The following WBP2NL variants were observed in gnomAD, a reference collection of about 807,000 sequenced individuals.
The protein encoded by WBP2NL is postacrosomal sheath WW domain-binding protein.
WBP2NL carries 27 observed loss-of-function variants against 23.3 expected under a neutral mutation model. That is an observed-to-expected ratio of 1.16 (90% CI 0.85 to 1.60). The LOEUF is 1.60. WBP2NL is among the 40% of genes most tolerant of loss of function. The pLI, the probability that WBP2NL is intolerant of heterozygous loss-of-function variation, is 0.00. For synonymous variants in WBP2NL, 151 were observed against 145.9 expected, an observed-to-expected ratio of 1.03 and a Z score of -0.25; for missense variants, 370 against 389.5, an observed-to-expected ratio of 0.95 and a Z score of 0.42.
At chr22:42,002,033 G>T in intron 1 of WBP2NL, 1 of 532,880 alleles carries the variant, frequency 1.9e-6, no homozygotes, top group Non-Finnish European at 3.1e-6. Flanking sequence ...CTCCGGGGCT[G>T]ATTGTGAAGT....
At chr22:42,026,377 C>A (rs1253246209) in intron 5 of WBP2NL, among the ~76,000 whole-genome samples, 1 of 151,558 alleles carries the variant, frequency 6.6e-6, no homozygotes, top group Non-Finnish European at 1.5e-5. Context: ...CAAAGAAATA[C>A]ACCAAAATAG....
At chr22:42,013,007 C>T (rs1319213288) in intron 1 of WBP2NL, among the ~76,000 whole-genome samples, 2 of 150,448 alleles carry the variant, frequency 1.3e-5, no homozygotes, top group African/African-American at 4.9e-5. Context: ...AAAAAAACAA[C>T]GGAGTGTTTT....
chr22:42,050,610 T>C (rs1925803503), intron 8 of WBP2NL, among the ~76,000 whole-genome samples: 1 of 151,596 alleles, frequency 6.6e-6, no homozygotes, highest in South Asian at 2.1e-4. Context: ...ATCATGCCAC[T>C]GCACTCCAGT....
intron 8 of WBP2NL, among the ~76,000 whole-genome samples, chr22:42,038,992 A>G (rs976668945): frequency 2.4e-4 from 36 of 150,470 alleles, no homozygotes; most frequent in African/African-American, 6.4e-4. Context: ...TGCAGCCTCA[A>G]TCTCCTGGGC....
At chr22:42,047,332 G>A (rs1925631259) in intron 8 of WBP2NL, among the ~76,000 whole-genome samples, 1 of 149,746 alleles carries the variant, frequency 6.7e-6, no homozygotes, top group African/African-American at 2.5e-5. Context: ...CTCATTCTCT[G>A]AGACCAAAAA....
rs759976528 is a variant in WBP2NL, at chr22:42,019,435, A to G, written c.171+16A>G. On this transcript the variant is annotated intron_variant, in intron 2 of 5. Coordinates refer to ENST00000328823, the MANE Select transcript of WBP2NL (RefSeq NM_152613.3). Reference sequence around the variant, plus strand: ...TTCATACCGGGTAATTTCTACTTCTACTTTAATCTGCTGATTAACTCTACA... The same window carrying G: ...TTCATACCGGGTAATTTCTACTTCTGCTTTAATCTGCTGATTAACTCTACA... 16 of 1,604,442 alleles carry G rather than the reference A, an allele frequency of 1.0e-5. No individual in the cohort carries two copies. Among genetic ancestry groups the G allele is most frequent in the Non-Finnish European group, 1.3e-5 (15 of 1,173,874 alleles).
rs1443739871 is a variant in WBP2NL at position 42,020,862 on chromosome 22, GTGTGTGTATATATATATATATA to G, written c.406+768_406+789del. ...TTTTTTATCTCATATATGTGTGTGT[GTGTGTGTATATATATATATATA>G]TATATATATATATATATATATATAT... On this transcript the variant is annotated intron_variant, in intron 4 of 5. Coordinates refer to ENST00000328823, the MANE Select transcript of WBP2NL (RefSeq NM_152613.3). Among the ~76,000 whole-genome samples, 155 of 33,958 alleles carry G rather than the reference GTGTGTGTATATATATATATATA, an allele frequency of 4.6e-3. 2 individuals carry two copies. Among genetic ancestry groups the G allele is most frequent in the African/African-American group, 0.025 (146 of 5,944 alleles). The allele number at this position is 33,958 out of a possible 152,430, so 22.3% of individuals were successfully genotyped here. A position where few individuals can be genotyped will look rare whatever the true frequency, so the allele number is the denominator to read the frequency against.
At chr22:42,039,309 CAGG>C (rs1925311743) in intron 8 of WBP2NL, among the ~76,000 whole-genome samples, 1 of 151,262 alleles carries the variant, frequency 6.6e-6, no homozygotes, top group Non-Finnish European at 1.5e-5. Flanking sequence ...CTCCTGACCT[CAGG>C]TGATCCACTC....
At chr22:42,012,575 C>T (rs530486374) in intron 1 of WBP2NL, among the ~76,000 whole-genome samples, 16 of 151,976 alleles carry the variant, frequency 1.1e-4, no homozygotes, top group South Asian at 2.1e-4. Flanking sequence ...TAAAATATAG[C>T]GTTTCTTGTA....
At position 42,027,819 on chromosome 22, in the gene WBP2NL, ATTAAT is replaced by A; in HGVS notation, c.*642_*646del. ...GGAAAAAGTGATTTTCAACATATAT[ATTAAT>A]TTATAGTCAGAATACGTGAATAACT... On this transcript the variant is annotated 3_prime_UTR_variant, in exon 6 of 6. Transcript: ENST00000328823. 2.5e-6 allele frequency: 1 copy of A among 396,918 alleles called. No homozygotes were observed. Among genetic ancestry groups the A allele is most frequent in the Non-Finnish European group, 4.4e-6 (1 of 225,514 alleles). 24.6% of individuals were successfully genotyped at this position (396,918 alleles called of 1,614,324 possible).
At chr22:42,006,951 A>G (rs1164494649) in intron 1 of WBP2NL, among the ~76,000 whole-genome samples, 1 of 152,146 alleles carries the variant, frequency 6.6e-6, no homozygotes, top group Non-Finnish European at 1.5e-5. Flanking sequence ...TGTGCTGGAA[A>G]CCTGTCATTA....
intron 1 of WBP2NL, 131 bp from the exon 2 acceptor site, chr22:42,019,180 C>T (rs944067096): frequency 7.0e-6 from 5 of 712,618 alleles, no homozygotes; most frequent in Non-Finnish European, 1.1e-5. Context: ...GAAATCGTGC[C>T]ACTGCACTCC....
intron 3 of WBP2NL, 25 bp downstream of exon 3, chr22:42,019,828 AT>A (rs771416194): frequency 4.8e-5 from 77 of 1,598,530 alleles, no homozygotes; most frequent in Admixed American, 1.9e-4. Context: ...AGAAGTGTGT[AT>A]TTTTTTTTCC....
chr22:42,054,715 T>TA (rs57938269), intron 8 of WBP2NL, among the ~76,000 whole-genome samples: 8,558 of 139,124 alleles, frequency 0.062, 557 homozygotes, highest in African/African-American at 0.17. Context: ...AGTACCTTTG[T>TA]AAAAAAAAAA....
At chr22:42,043,369 G>A (rs752973954) in intron 8 of WBP2NL, among the ~76,000 whole-genome samples, 5 of 152,250 alleles carry the variant, frequency 3.3e-5, no homozygotes, top group Non-Finnish European at 5.9e-5. Context: ...AGTTGTTGGT[G>A]TGGGGCTAGG....
rs747523021 is a variant in WBP2NL at position 42,019,821 on chromosome 22, AGTGT to A, written c.313+21_313+24del. ...TCCATATGGTAAGTGTTCCCTCAGAAGTGTGTATTTTTTTTTCCCTCAAAATCTT... is the reference window on the plus strand; with the variant it reads ...TCCATATGGTAAGTGTTCCCTCAGAAGTATTTTTTTTTCCCTCAAAATCTT... On this transcript the variant is annotated intron_variant, in intron 3 of 5. Coordinates refer to ENST00000328823, the MANE Select transcript of WBP2NL (RefSeq NM_152613.3). The A allele has an allele frequency of 9.9e-6, 16 of 1,610,666 alleles. No individual in the cohort carries two copies. Among genetic ancestry groups the A allele is most frequent in the African/African-American group, 1.3e-5 (1 of 74,712 alleles).
chr22:42,045,895 A>G (rs1464319367), intron 8 of WBP2NL, among the ~76,000 whole-genome samples: 4 of 152,242 alleles, frequency 2.6e-5, no homozygotes, highest in Non-Finnish European at 5.9e-5. Flanking sequence ...AATCTAAACT[A>G]GACATCTTAA....
At chr22:42,017,137 C>G (rs944782119) in intron 1 of WBP2NL, among the ~76,000 whole-genome samples, 1 of 151,906 alleles carries the variant, frequency 6.6e-6, no homozygotes, top group Non-Finnish European at 1.5e-5. Context: ...CTCTCTCTCT[C>G]TTTTTTTTGA....
intron 8 of WBP2NL, among the ~76,000 whole-genome samples, chr22:42,056,741 A>T (rs1205865038): frequency 6.6e-6 from 1 of 151,972 alleles, no homozygotes; most frequent in Non-Finnish European, 1.5e-5. Context: ...GTAGGTGTAT[A>T]TATTTATGGA....
Sources: gnomAD v4.1 joint callset for allele counts (sites outside exome capture counted in the v4.1 genomes callset) on GRCh38, gnomAD v4.1.1 for gene constraint, MANE v1.5 for transcripts, NCBI Gene and HGNC (gene_info 2026-07-23, HGNC 2026-07-21) for gene names.